Variants in HIVEP2 observed in about 807,000 individuals in gnomAD.
The protein encoded by HIVEP2 is transcription factor HIVEP2.
HIVEP2 carries 14 observed loss-of-function variants against 180.7 expected under a neutral mutation model. The ratio of observed to expected loss-of-function variants is 0.08; its 90% confidence interval spans 0.05 to 0.12. The LOEUF (loss-of-function observed/expected upper bound fraction) is 0.12, where lower values mean the gene tolerates loss of function less well. HIVEP2 is among the 10% of genes least tolerant of loss of function. The pLI, the probability that HIVEP2 is intolerant of heterozygous loss-of-function variation, is 1.00. For missense variants in HIVEP2, 2,579 were observed against 3,008.5 expected (o/e 0.86, Z 3.34); for synonymous variants, 1,184 against 1,136.4 (o/e 1.04, Z -0.84).
intron 1 of HIVEP2, among the ~76,000 whole-genome samples, chr6:142,875,880 C>A (rs1418077681): frequency 6.7e-6 from 1 of 149,686 alleles, no homozygotes; most frequent in Non-Finnish European, 1.5e-5. Context: ...GTTGAAAATT[C>A]ATGATAGATC....
intron 1 of HIVEP2, among the ~76,000 whole-genome samples, chr6:142,852,763 A>C (rs1205672283): frequency 6.6e-6 from 1 of 152,030 alleles, no homozygotes; most frequent in African/African-American, 2.4e-5. Flanking sequence ...AATCTAATGA[A>C]TCAATTTGTG....
chr6:142,924,964 T>A (rs1327891377), intron 1 of HIVEP2, among the ~76,000 whole-genome samples: 1 of 152,212 alleles, frequency 6.6e-6, no homozygotes, highest in African/African-American at 2.4e-5. Flanking sequence ...TACTACTAAA[T>A]ACTTTCATAG....
At chr6:142,931,398 G>A (rs1426274855) in intron 1 of HIVEP2, among the ~76,000 whole-genome samples, 5 of 151,836 alleles carry the variant, frequency 3.3e-5, no homozygotes, top group East Asian at 1.9e-4. Flanking sequence ...ATAAATTGAC[G>A]AAAAGGTTAA....
chr6:142,830,217 C>T (rs189637544), intron 2 of HIVEP2, among the ~76,000 whole-genome samples: 257 of 152,012 alleles, frequency 1.7e-3, no homozygotes, highest in Admixed American at 3.1e-3. Flanking sequence ...TTAAAAATCC[C>T]CCTGCCTCCC....
chr6:142,889,113 C>A (rs1033012319), intron 1 of HIVEP2, among the ~76,000 whole-genome samples: 1 of 152,210 alleles, frequency 6.6e-6, no homozygotes, highest in African/African-American at 2.4e-5. Context: ...CAGCTCTCAG[C>A]AGAGTACCTG....
chr6:142,776,496 A>T (rs1775703098), intron 3 of HIVEP2, among the ~76,000 whole-genome samples: 1 of 152,016 alleles, frequency 6.6e-6, no homozygotes. Context: ...CCTAGTTCTA[A>T]TTCCCTAGAT....
At chr6:142,860,146 C>G (rs2114953012) in intron 1 of HIVEP2, among the ~76,000 whole-genome samples, 1 of 152,226 alleles carries the variant, frequency 6.6e-6, no homozygotes, top group South Asian at 2.1e-4. Context: ...AAGAAAAAAA[C>G]TGAGCCACAA....
At chr6:142,852,774 C>G (rs1460272028) in intron 1 of HIVEP2, among the ~76,000 whole-genome samples, 1 of 150,394 alleles carries the variant, frequency 6.6e-6, no homozygotes, top group East Asian at 1.9e-4. Context: ...TCAATTTGTG[C>G]AGTTTGACAA....
Position 142,776,199 on chromosome 6 carries a change from C to A in HIVEP2, c.-432-8G>T, listed in dbSNP as rs985216730. On this transcript the variant is annotated splice_region_variant and splice_polypyrimidine_tract_variant and intron_variant, in intron 3 of 9. Transcript: ENST00000367603. ...TGATTGTCCTGACGCTTCCTGGATACAAAATAAATGCAGTTAGGGAAAATT... is the reference window on the plus strand; with the variant it reads ...TGATTGTCCTGACGCTTCCTGGATAAAAAATAAATGCAGTTAGGGAAAATT... 1 of 152,518 alleles carries A rather than the reference C, an allele frequency of 6.6e-6. No individual in the cohort carries two copies. The highest frequency in any genetic ancestry group is 1.5e-5 in the Non-Finnish European group (1 of 68,024). 9.4% of individuals were successfully genotyped at this position (152,518 alleles called of 1,614,324 possible).
chr6:142,925,201 A>T (rs1268813719), intron 1 of HIVEP2, among the ~76,000 whole-genome samples: 1 of 152,238 alleles, frequency 6.6e-6, no homozygotes, highest in East Asian at 1.9e-4. Flanking sequence ...ATGAGAATCA[A>T]TATTTTTAGA....
intron 9 of HIVEP2, among the ~76,000 whole-genome samples, chr6:142,759,075 G>C (rs1458654359): frequency 6.6e-6 from 1 of 152,158 alleles, no homozygotes; most frequent in African/African-American, 2.4e-5. Context: ...GCCGAGGCAG[G>C]CAGATCACTT....
intron 1 of HIVEP2, among the ~76,000 whole-genome samples, chr6:142,933,684 A>G (rs1777989352): frequency 6.6e-6 from 1 of 152,220 alleles, no homozygotes; most frequent in Non-Finnish European, 1.5e-5. Context: ...CCAACTGATG[A>G]CTGAAAAGAC....
chr6:142,903,415 T>C (rs1582954444), intron 1 of HIVEP2, among the ~76,000 whole-genome samples: 1 of 152,238 alleles, frequency 6.6e-6, no homozygotes, highest in South Asian at 2.1e-4. Context: ...ACTCTCAGTA[T>C]GTAAGTAAAT....
At chr6:142,845,890 G>A (rs770892031) in intron 1 of HIVEP2, among the ~76,000 whole-genome samples, 3 of 152,224 alleles carry the variant, frequency 2.0e-5, no homozygotes, top group Non-Finnish European at 2.9e-5. Flanking sequence ...CACCAAAAGA[G>A]AGCACAGCAA....
intron 2 of HIVEP2, among the ~76,000 whole-genome samples, chr6:142,828,215 T>C (rs573849692): frequency 2.6e-5 from 4 of 152,324 alleles, no homozygotes; most frequent in South Asian, 4.1e-4. Flanking sequence ...CCTCCTCCCT[T>C]AGCTTCCTTG....
At chr6:142,793,663 C>CTTTCTTTCTTTCTTTCTTTCTTTTTTT (rs1303826710) in intron 2 of HIVEP2, among the ~76,000 whole-genome samples, 2 of 109,476 alleles carry the variant, frequency 1.8e-5, no homozygotes, top group East Asian at 3.6e-4. Flanking sequence ...TTTCTTTTTT[C>CTTTCTTTCTTTCTTTCTTTCTTTTTTT]TTTCTTTCTT....
rs56919578 is a variant in HIVEP2, at chr6:142,889,762, T to C, written c.-640-52715A>G. Among the ~76,000 whole-genome samples the C allele has an allele frequency of 8.1e-3, 1,239 of 152,326 alleles. 75 individuals are homozygous for C. In the East Asian group the frequency reaches 0.16, roughly 20 times the overall value. ...TTTAGTGATTTCTGCTGTGCAATTA[T>C]ACATACATTTATCAGACATCAAAAT... is the stretch of plus-strand genomic sequence containing the variant. On this transcript the variant is annotated intron_variant, in intron 1 of 9. Coordinates refer to ENST00000367603, the MANE Select transcript of HIVEP2 (RefSeq NM_006734.4).
rs555499388 is a variant in HIVEP2, at chr6:142,769,533, C to A, written c.5187+19G>T. 1 of 1,607,732 alleles carries A rather than the reference C, an allele frequency of 6.2e-7. No homozygotes were observed. The highest frequency in any genetic ancestry group is 1.1e-5 in the South Asian group (1 of 90,510). On this transcript the variant is annotated intron_variant, in intron 5 of 9. Coordinates refer to ENST00000367603, the MANE Select transcript of HIVEP2 (RefSeq NM_006734.4). ...TCAAATCCACAATACAAAGTTCTTCCTAAAACAGTATTTGTTACCTGAGTA... is the reference window on the plus strand; with the variant it reads ...TCAAATCCACAATACAAAGTTCTTCATAAAACAGTATTTGTTACCTGAGTA...
chr6:142,837,579 T>C (rs1442254211), intron 1 of HIVEP2, among the ~76,000 whole-genome samples: 1 of 152,078 alleles, frequency 6.6e-6, no homozygotes, highest in Non-Finnish European at 1.5e-5. Flanking sequence ...GATTTCCAAA[T>C]CATTCTGAGA....
Sources: allele counts gnomAD v4.1 joint callset (sites outside exome capture counted in the v4.1 genomes callset), GRCh38; gene constraint gnomAD v4.1.1; transcripts MANE v1.5; gene names NCBI Gene and HGNC (gene_info 2026-07-23, HGNC 2026-07-21).